DEAF1: variants seen among roughly 807,000 people sequenced by gnomAD.
The protein encoded by DEAF1 is deformed epidermal autoregulatory factor 1 homolog.
A neutral mutation model predicts 58.9 loss-of-function variants in DEAF1; 53 were observed. That is an observed-to-expected ratio of 0.90 (90% CI 0.72 to 1.13). The LOEUF (loss-of-function observed/expected upper bound fraction) is 1.13. Among genes scored for constraint, DEAF1 ranks in the 50% most tolerant of loss-of-function variants. The pLI is 0.00. For missense variants in DEAF1, 685 were observed against 791.4 expected, an observed-to-expected ratio of 0.87 and a Z score of 1.61; for synonymous variants, 385 against 340.4, an observed-to-expected ratio of 1.13 and a Z score of -1.44.
At chr11:668,120 T>C (rs545019004) in intron 10 of DEAF1, among the ~76,000 whole-genome samples, 6 of 151,994 alleles carry the variant, frequency 3.9e-5, no homozygotes, top group Non-Finnish European at 8.8e-5. Flanking sequence ...CTCAAAAAAA[T>C]ATATATATGT....
chr11:674,159 C>T (rs1013909909), intron 10 of DEAF1: 4 of 318,272 alleles, frequency 1.3e-5, no homozygotes, highest in African/African-American at 2.2e-5. Context: ...CCCTGCCAGT[C>T]GCTGATACTC....
rs371722695 is a variant in DEAF1, at chr11:688,025, C to T, written c.550G>A (p.Gly184Ser). 9.9e-6 allele frequency: 16 copies of T among 1,613,854 alleles called. No homozygotes were observed. The highest frequency in any genetic ancestry group is 1.7e-5 in the Admixed American group (1 of 59,970). ...TATTTAGTTCCACCTTTTTCTTGGCCGGGAGCCAGAGGGGTTGGAGGAGAC... is the reference window on the plus strand; with the variant it reads ...TATTTAGTTCCACCTTTTTCTTGGCTGGGAGCCAGAGGGGTTGGAGGAGAC... ...PQSPPTPLAPGQEKGGTKYNW... is the reference protein window; with the variant it reads ...PQSPPTPLAPSQEKGGTKYNW... Residue 184 changes from glycine to serine, a missense_variant, in exon 4 of 12, where the codon GGC becomes AGC. Gly to Ser is a moderately conservative substitution (Grantham distance 56). Transcript: ENST00000382409. The surrounding 1 kb of genome is among the most constrained non-coding windows in gnomAD (Gnocchi z 4.3).
intron 1 of DEAF1, among the ~76,000 whole-genome samples, chr11:701,371 T>G (rs371340760): frequency 2.4e-4 from 31 of 130,430 alleles, no homozygotes; most frequent in Non-Finnish European, 4.8e-4. Context: ...TTTTGTTTTG[T>G]TTTGTTTTTT....
intron 10 of DEAF1, among the ~76,000 whole-genome samples, chr11:670,726 ATCTTTT>A (rs1859773300): frequency 6.8e-6 from 1 of 148,142 alleles, no homozygotes; most frequent in Non-Finnish European, 1.5e-5. Context: ...ATATATATAT[ATCTTTT>A]TCTTTATTTT....
intron 9 of DEAF1, among the ~76,000 whole-genome samples, chr11:676,674 T>C (rs577438533): frequency 1.1e-4 from 16 of 152,002 alleles, no homozygotes; most frequent in Admixed American, 3.3e-4. Context: ...CTGGCTAATT[T>C]TGTATTTTTA....
Position 695,118 on chromosome 11 carries a change from C to T in DEAF1, c.-71G>A, listed in dbSNP as rs1861063843. The T allele has an allele frequency of 1.5e-6, 2 of 1,351,040 alleles. No homozygotes were observed. The highest frequency in any genetic ancestry group is 1.5e-5 in the South Asian group (1 of 67,200). The allele number at this position is 1,351,040 out of a possible 1,614,324, so 83.7% of individuals were successfully genotyped here. A position where few individuals can be genotyped will look rare whatever the true frequency, so the allele number is the denominator to read the frequency against. ...GAAGCGCCGGTCGCGGAGCCCGAAG[C>T]GGGGCCCGAAGAGGACGCCCGAGCT... On this transcript the variant is annotated 5_prime_UTR_variant, in exon 1 of 12. Transcript: ENST00000382409.
chr11:667,035 C>T (rs1004758283), intron 10 of DEAF1, among the ~76,000 whole-genome samples: 3 of 151,776 alleles, frequency 2.0e-5, no homozygotes, highest in African/African-American at 4.8e-5. Flanking sequence ...CCCATCTATA[C>T]AAAACAAACA....
intron 10 of DEAF1, among the ~76,000 whole-genome samples, chr11:658,984 C>A (rs1453809718): frequency 6.6e-6 from 1 of 152,172 alleles, no homozygotes; most frequent in Admixed American, 6.5e-5. Flanking sequence ...AACAGCCAAC[C>A]AAGAGTAAGA....
intron 11 of DEAF1, among the ~76,000 whole-genome samples, chr11:647,410 G>C (rs549550173): frequency 6.6e-6 from 1 of 152,130 alleles, no homozygotes; most frequent in African/African-American, 2.4e-5. Flanking sequence ...AGCCAAGATC[G>C]CGCCGCTGCA....
chr11:668,386 C>T (rs1215478983), intron 10 of DEAF1, among the ~76,000 whole-genome samples: 3 of 152,094 alleles, frequency 2.0e-5, no homozygotes, highest in African/African-American at 4.8e-5. Flanking sequence ...ATATTCACCA[C>T]GAAAAGTATA....
At chr11:698,202 G>A (rs1035230993), upstream of DEAF1, among the ~76,000 whole-genome samples, 1 of 152,114 alleles carries the variant, frequency 6.6e-6, no homozygotes, top group Non-Finnish European at 1.5e-5. Flanking sequence ...CCAGGTCAGC[G>A]TGGATCCAGG....
intron 4 of DEAF1, 24 bp downstream of exon 4, chr11:687,887 G>A (rs1860666652): frequency 6.2e-7 from 1 of 1,613,772 alleles, no homozygotes; most frequent in Admixed American, 1.7e-5. Flanking sequence ...ATACAACTTT[G>A]GAGTCTGAAG....
At position 671,845 on chromosome 11, in the gene DEAF1, AAAAAG is replaced by A. The variant is rs1439119500; in HGVS notation, c.1503+2686_1503+2690del. ...ACCTCTTAAAAAAAAAAAAAAAAAAAAAAAGAAACACAAAAAACACTAATCACATA... is the reference window on the plus strand; with the variant it reads ...ACCTCTTAAAAAAAAAAAAAAAAAAAAAACACAAAAAACACTAATCACATA... On this transcript the variant is annotated intron_variant, in intron 10 of 11. Coordinates refer to ENST00000382409, the MANE Select transcript of DEAF1 (RefSeq NM_021008.4). Among the ~76,000 whole-genome samples the A allele has an allele frequency of 1.3e-3, 184 of 136,310 alleles. 2 individuals are homozygous for A. The highest frequency in any genetic ancestry group is 4.7e-3 in the African/African-American group (166 of 35,608). The allele number at this position is 136,310 out of a possible 152,430, so 89.4% of individuals were successfully genotyped here. A position where few individuals can be genotyped will look rare whatever the true frequency, so the allele number is the denominator to read the frequency against.
At chr11:685,331 G>A (rs1276820642) in intron 5 of DEAF1, among the ~76,000 whole-genome samples, 3 of 152,064 alleles carry the variant, frequency 2.0e-5, no homozygotes, top group Non-Finnish European at 2.9e-5. Flanking sequence ...CAATCTGCCC[G>A]CCTCGGCCTC....
chr11:654,117 C>A, intron 10 of DEAF1, 66 bp from the exon 11 acceptor site: 1 of 1,339,852 alleles, frequency 7.5e-7, no homozygotes, highest in Non-Finnish European at 1.1e-6. Flanking sequence ...ACACCGGGGA[C>A]AGAGGCAGGT....
In DEAF1 at chr11:678,808, C is replaced by G. The variant is rs753669832; in HGVS notation, c.1141G>C (p.Val381Leu). The stretch of plus-strand genomic sequence containing the variant: ...TGGCTGGCCCTGCATGGGGGCTGCA[C>G]GCTGGCCTCTTGGACTGTTGGGGAG... The part of the protein sequence containing the change: ...FAGATVQEAS[V>L]QPPCRASHPE... The change falls in exon 9 of 12, where the codon GTG becomes CTG. Residue 381 changes from valine to leucine, a missense_variant. By Grantham distance (32) the Val-to-Leu change is conservative. Around this residue, in one of 3 missense-constraint regions of DEAF1, gnomAD observed 343 missense variants for 379.8 expected, o/e 0.90. Transcript: ENST00000382409. 2 of 1,614,034 alleles carry G rather than the reference C, an allele frequency of 1.2e-6. No homozygotes were observed.
intron 10 of DEAF1, among the ~76,000 whole-genome samples, chr11:654,437 T>C (rs1444730631): frequency 6.6e-6 from 1 of 150,624 alleles, no homozygotes; most frequent in African/African-American, 2.5e-5. Context: ...AGTGCTGGGA[T>C]TACAGGCGTG....
In DEAF1 at chr11:680,943, C is replaced by T. The variant is rs759744748; in HGVS notation, c.997+20G>A. 2 of 1,614,136 alleles carry T rather than the reference C, an allele frequency of 1.2e-6. No individual in the cohort carries two copies. The highest frequency in any genetic ancestry group is 1.1e-5 in the South Asian group (1 of 91,076). On this transcript the variant is annotated intron_variant, in intron 7 of 11. Transcript: ENST00000382409. Reference sequence around the variant, plus strand: ...CTCAGGTCCCCTCAGTAAACTAGAGCTGTGTTTTCTCAAACTCACAGGTGG... The same window carrying T: ...CTCAGGTCCCCTCAGTAAACTAGAGTTGTGTTTTCTCAAACTCACAGGTGG...
At chr11:681,174 G>A (rs1165439438) in intron 6 of DEAF1, 85 bp from the exon 7 acceptor site, 60 of 1,586,168 alleles carry the variant, frequency 3.8e-5, no homozygotes, top group Non-Finnish European at 4.7e-5. Flanking sequence ...TGGGGGCACC[G>A]CGGGGTGTGT....
Sources: allele counts gnomAD v4.1 joint callset (sites outside exome capture counted in the v4.1 genomes callset), GRCh38; gene constraint gnomAD v4.1.1; regional missense constraint gnomAD v4.1.1; non-coding constraint Gnocchi (gnomAD v3.1); transcripts MANE v1.5; gene names NCBI Gene and HGNC (gene_info 2026-07-23, HGNC 2026-07-21).